The following IL1RAP variants were observed in gnomAD, a reference collection of about 807,000 sequenced individuals.
IL1RAP encodes the protein interleukin-1 receptor accessory protein.
In IL1RAP, 35 loss-of-function variants were observed where a neutral mutation model predicts 60.7. The ratio of observed to expected loss-of-function variants is 0.58; its 90% CI spans 0.44 to 0.76. The LOEUF is 0.76. Among genes scored for constraint, IL1RAP ranks in the 30% least tolerant of loss-of-function variants. The pLI is 0.00. For synonymous variants in IL1RAP, 268 were observed against 250.9 expected, an observed-to-expected ratio of 1.07 and a Z score of -0.64; for missense variants, 572 against 693.9, an observed-to-expected ratio of 0.82 and a Z score of 1.97.
intron 3 of IL1RAP, among the ~76,000 whole-genome samples, chr3:190,581,012 G>C (rs1237662246): frequency 6.6e-6 from 1 of 152,142 alleles, no homozygotes; most frequent in Non-Finnish European, 1.5e-5. Context: ...AAAAGAAACA[G>C]CAGAAGAGGT....
At chr3:190,611,718 G>A (rs1329966058) in intron 5 of IL1RAP, among the ~76,000 whole-genome samples, 4 of 152,122 alleles carry the variant, frequency 2.6e-5, no homozygotes, top group Middle Eastern at 3.2e-3. Flanking sequence ...GGTTACAAAG[G>A]CCTTTGCTTT....
intron 5 of IL1RAP, among the ~76,000 whole-genome samples, chr3:190,613,820 G>A (rs1396987212): frequency 6.6e-6 from 1 of 150,946 alleles, no homozygotes; most frequent in Non-Finnish European, 1.5e-5. Context: ...GCAATGGAGG[G>A]AGACTCCATT....
At chr3:190,591,801 T>C (rs1021531587) in intron 3 of IL1RAP, among the ~76,000 whole-genome samples, 3 of 152,122 alleles carry the variant, frequency 2.0e-5, no homozygotes, top group African/African-American at 7.2e-5. Context: ...AAAGATAGCT[T>C]GGAGGGAAAA....
At position 190,649,773 on chromosome 3, in the gene IL1RAP, A is replaced by G; in HGVS notation, c.*1068A>G. On this transcript the variant is annotated 3_prime_UTR_variant, in exon 12 of 12. Coordinates refer to ENST00000447382, the MANE Select transcript of IL1RAP (RefSeq NM_002182.4). ...TAACTGTATTTCCTGTCACCTATTCACTAGTGCAGGAAATATACTTGCTCC... is the reference window on the plus strand; with the variant it reads ...TAACTGTATTTCCTGTCACCTATTCGCTAGTGCAGGAAATATACTTGCTCC... 1 of 985,398 alleles carries G rather than the reference A, an allele frequency of 1.0e-6. No individual in the cohort carries two copies. The highest frequency in any genetic ancestry group is 4.7e-5 in the South Asian group (1 of 21,274). 61.0% of individuals were successfully genotyped at this position (985,398 alleles called of 1,614,324 possible). A position where few individuals can be genotyped will look rare whatever the true frequency, so the allele number is the denominator to read the frequency against.
intron 3 of IL1RAP, among the ~76,000 whole-genome samples, chr3:190,596,095 T>C (rs1022400040): frequency 1.3e-5 from 2 of 152,204 alleles, no homozygotes; most frequent in African/African-American, 4.8e-5. Context: ...GGAAAATAAT[T>C]AACTATGGAA....
intron 9 of IL1RAP, among the ~76,000 whole-genome samples, chr3:190,638,053 C>T (rs1733364230): frequency 6.6e-6 from 1 of 151,842 alleles, no homozygotes; most frequent in Non-Finnish European, 1.5e-5. Context: ...GGGTGGTGAA[C>T]ATTTGGGTTG....
In IL1RAP at chr3:190,531,452, G is replaced by T. The variant is rs530576880; in HGVS notation, c.-89+17233G>T. ...ACCAAACACAGGGTAAAGAGGAAAGGGTTCTTTACAAAAGCATACCTGAGT... is the reference window on the plus strand; with the variant it reads ...ACCAAACACAGGGTAAAGAGGAAAGTGTTCTTTACAAAAGCATACCTGAGT... On this transcript the variant is annotated intron_variant, in intron 1 of 11. Transcript: ENST00000447382. Among the ~76,000 whole-genome samples, 10 of 152,136 alleles carry T rather than the reference G, an allele frequency of 6.6e-5. No homozygotes were observed. The South Asian group carries it at 2.1e-3, about 32-fold the overall frequency.
chr3:190,598,098 T>C (rs1455566680), intron 3 of IL1RAP, among the ~76,000 whole-genome samples: 3 of 152,188 alleles, frequency 2.0e-5, no homozygotes, highest in African/African-American at 7.2e-5. Flanking sequence ...TGATACACAT[T>C]GTAGAGTGGG....
At chr3:190,538,839 T>C (rs1330799255) in intron 1 of IL1RAP, among the ~76,000 whole-genome samples, 6 of 152,146 alleles carry the variant, frequency 3.9e-5, no homozygotes, top group Non-Finnish European at 5.9e-5. Context: ...CGAGATCTGA[T>C]GGCTTTATAA....
chr3:190,520,648 TC>T (rs1213993219), intron 1 of IL1RAP: 2 of 152,194 alleles, frequency 1.3e-5, no homozygotes, highest in Non-Finnish European at 2.9e-5. Flanking sequence ...TCTCAAGATT[TC>T]TAAAAGCATT....
chr3:190,610,274 T>A (rs1001389442), intron 5 of IL1RAP, among the ~76,000 whole-genome samples: 1 of 152,098 alleles, frequency 6.6e-6, no homozygotes. Flanking sequence ...ATTTTAAAAT[T>A]CAGAAAAAAC....
chr3:190,584,015 C>T (rs1728230469), intron 3 of IL1RAP, among the ~76,000 whole-genome samples: 1 of 152,102 alleles, frequency 6.6e-6, no homozygotes, highest in Admixed American at 6.6e-5. Context: ...GTCCCATTAT[C>T]CTCCCAAATT....
intron 3 of IL1RAP, chr3:190,564,747 A>G (rs1726225161): frequency 5.0e-6 from 1 of 198,388 alleles, no homozygotes; most frequent in East Asian, 1.1e-4. Flanking sequence ...TAATCCATTG[A>G]GATGTTAAAT....
chr3:190,655,840 A>AACAT, downstream of IL1RAP: 1 of 1,325,738 alleles, frequency 7.5e-7, no homozygotes. Flanking sequence ...GAACTGGAAT[A>AACAT]TATGTAAGTT....
Position 190,649,806 on chromosome 3 carries a change from T to A in IL1RAP, c.*1101T>A, listed in dbSNP as rs1334467977. ...AGGAAATATACTTGCTCCAAATAAG[T>A]CAGTATGAGAAGTCACTGTCAATGA... is the stretch of plus-strand genomic sequence containing the variant. On this transcript the variant is annotated 3_prime_UTR_variant, in exon 12 of 12. Coordinates refer to ENST00000447382, the MANE Select transcript of IL1RAP (RefSeq NM_002182.4). 2 of 985,118 alleles carry A rather than the reference T, an allele frequency of 2.0e-6. No homozygotes were observed. The highest frequency in any genetic ancestry group is 2.4e-6 in the Non-Finnish European group (2 of 829,640). The allele number at this position is 985,118 out of a possible 1,614,324, so 61.0% of individuals were successfully genotyped here.
chr3:190,634,916 T>G (rs1179220411), intron 9 of IL1RAP, among the ~76,000 whole-genome samples: 1 of 152,034 alleles, frequency 6.6e-6, no homozygotes, highest in African/African-American at 2.4e-5. Context: ...GGGGTTTCAC[T>G]GTGTTAACCA....
At position 190,648,618 on chromosome 3, in the gene IL1RAP, G is replaced by T. The variant is rs1355057883; in HGVS notation, c.1626G>T (p.Leu542=). 1 of 1,614,082 alleles carries T rather than the reference G, an allele frequency of 6.2e-7. No individual in the cohort carries two copies. Among genetic ancestry groups the T allele is most frequent in the African/African-American group, 1.3e-5 (1 of 74,926 alleles). ...CACAGGGCAGGTTCTGGAAGCAGCTGCAGGTGGCCATGCCAGTGAAGAAAA... is the reference window on the plus strand; with the variant it reads ...CACAGGGCAGGTTCTGGAAGCAGCTTCAGGTGGCCATGCCAGTGAAGAAAA... ...KYPQGRFWKQ[L]QVAMPVKKSP... The change falls in exon 12 of 12, where the codon CTG becomes CTT. Residue 542 remains leucine (L), a synonymous_variant. Coordinates refer to ENST00000447382, the MANE Select transcript of IL1RAP (RefSeq NM_002182.4).
chr3:190,634,498 G>T (rs1202613852), intron 9 of IL1RAP, among the ~76,000 whole-genome samples: 2 of 151,278 alleles, frequency 1.3e-5, no homozygotes, highest in African/African-American at 4.9e-5. Flanking sequence ...ACCAAATTTT[G>T]TTCATATCTT....
intron 11 of IL1RAP, among the ~76,000 whole-genome samples, chr3:190,646,736 A>G (rs1409698924): frequency 6.6e-6 from 1 of 151,758 alleles, no homozygotes; most frequent in Non-Finnish European, 1.5e-5. Context: ...TACATTCATC[A>G]TTTAACAGTT....
Sources: gnomAD v4.1 joint callset for allele counts (sites outside exome capture counted in the v4.1 genomes callset) on GRCh38, gnomAD v4.1.1 for gene constraint, MANE v1.5 for transcripts, NCBI Gene and HGNC (gene_info 2026-07-23, HGNC 2026-07-21) for gene names.